Variants in EYS observed in about 807,000 individuals in gnomAD.
EYS encodes the protein protein eyes shut homolog.
In EYS, 250 loss-of-function variants were observed where a neutral mutation model predicts 282.1. The observed-to-expected ratio is 0.89, with a 90% CI of 0.80 to 0.98. The LOEUF (loss-of-function observed/expected upper bound fraction) is 0.98, where lower values mean the gene tolerates loss of function less well. EYS is among the 50% of genes least tolerant of loss of function. The probability of loss-of-function intolerance (pLI) is 0.00; values close to 1 mark genes in which losing one functional copy is unlikely to be tolerated. For missense variants in EYS, 4,016 were observed against 3,709.0 expected, an observed-to-expected ratio of 1.08 and a Z score of -2.15; for synonymous variants, 1,355 against 1,282.9, an observed-to-expected ratio of 1.06 and a Z score of -1.20.
At chr6:64,641,207 G>C (rs1217849676) in intron 22 of EYS, among the ~76,000 whole-genome samples, 1 of 152,158 alleles carries the variant, frequency 6.6e-6, no homozygotes, top group Non-Finnish European at 1.5e-5. Flanking sequence ...GCAAGGAGGA[G>C]CAAGTCCCTT....
At chr6:65,633,692 C>T (rs1766995891) in intron 2 of EYS, among the ~76,000 whole-genome samples, 1 of 152,182 alleles carries the variant, frequency 6.6e-6, no homozygotes, top group Non-Finnish European at 1.5e-5. Context: ...GAAATACCTA[C>T]CCTCAAAGCC....
intron 12 of EYS, among the ~76,000 whole-genome samples, chr6:65,094,314 A>C (rs1774667641): frequency 7.2e-6 from 1 of 138,436 alleles, no homozygotes; most frequent in Non-Finnish European, 1.6e-5. Context: ...GGGATATCTT[A>C]ACGAAAAAAA....
intron 35 of EYS, among the ~76,000 whole-genome samples, chr6:63,924,295 A>T (rs1465933576): frequency 6.6e-6 from 1 of 152,214 alleles, no homozygotes; most frequent in Non-Finnish European, 1.5e-5. Context: ...ACTCAGTTTA[A>T]TACCAGTTTC....
intron 31 of EYS, among the ~76,000 whole-genome samples, chr6:64,217,703 T>C (rs989987245): frequency 9.2e-5 from 14 of 152,146 alleles, no homozygotes; most frequent in African/African-American, 3.4e-4. Context: ...CTGCAAACAA[T>C]GGGTGATAAC....
At chr6:64,390,532 A>T (rs1202441618) in intron 28 of EYS, among the ~76,000 whole-genome samples, 4 of 151,166 alleles carry the variant, frequency 2.6e-5, no homozygotes, top group African/African-American at 9.8e-5. Flanking sequence ...CTCACAGGGC[A>T]GGGTATTCCA....
At chr6:64,372,128 G>GTTTTTTTTTTTTTTTT in intron 29 of EYS, among the ~76,000 whole-genome samples, 1 of 75,966 alleles carries the variant, frequency 1.3e-5, no homozygotes, top group Admixed American at 1.6e-4. Context: ...CTGTATACTT[G>GTTTTTTTTTTTTTTTT]TGTTTTTTTT....
chr6:65,180,049 C>T (rs1002895974), intron 12 of EYS, among the ~76,000 whole-genome samples: 6 of 150,922 alleles, frequency 4.0e-5, no homozygotes, highest in South Asian at 4.2e-4. Flanking sequence ...ATTGATGGGA[C>T]GTATCTCAAA....
At chr6:64,494,978 TTC>T (rs376941078) in intron 26 of EYS, among the ~76,000 whole-genome samples, 70 of 151,874 alleles carry the variant, frequency 4.6e-4, no homozygotes, top group African/African-American at 1.6e-3. Flanking sequence ...CTCTTGATTA[TTC>T]TGTTACTACT....
intron 31 of EYS, among the ~76,000 whole-genome samples, chr6:64,082,889 A>G (rs973796559): frequency 6.6e-6 from 1 of 151,310 alleles, no homozygotes; most frequent in African/African-American, 2.4e-5. Flanking sequence ...ACATTTGGTA[A>G]TAAAAAAAAG....
At chr6:64,045,066 G>A (rs1417204124) in intron 33 of EYS, among the ~76,000 whole-genome samples, 1 of 152,088 alleles carries the variant, frequency 6.6e-6, no homozygotes, top group Admixed American at 6.5e-5. Context: ...CCCTTACTCA[G>A]CCATCTTTCT....
chr6:64,176,266 C>G (rs2150309497), intron 31 of EYS, among the ~76,000 whole-genome samples: 1 of 152,130 alleles, frequency 6.6e-6, no homozygotes, highest in South Asian at 2.1e-4. Context: ...CCCAGCAGGG[C>G]TTAGAGCCAA....
chr6:65,263,157 A>G (rs1374010440), intron 12 of EYS, among the ~76,000 whole-genome samples: 1 of 152,038 alleles, frequency 6.6e-6, no homozygotes, highest in Non-Finnish European at 1.5e-5. Flanking sequence ...CCTGAGGAAC[A>G]TGGCAAAACC....
intron 12 of EYS, among the ~76,000 whole-genome samples, chr6:65,172,908 C>T (rs1765138416): frequency 1.3e-5 from 2 of 150,602 alleles, no homozygotes; most frequent in African/African-American, 4.9e-5. Flanking sequence ...CATGAAGGAA[C>T]CCAGTGTGGT....
Position 63,789,305 on chromosome 6 carries a change from T to G in EYS, c.7412-81A>C, listed in dbSNP as rs1285569192. 3.0e-6 allele frequency: 4 copies of G among 1,342,316 alleles called. No homozygotes were observed. The African/African-American group carries it at 5.8e-5, about 20-fold the overall frequency. The allele number at this position is 1,342,316 out of a possible 1,614,324, so 83.2% of individuals were successfully genotyped here. A position where few individuals can be genotyped will look rare whatever the true frequency, so the allele number is the denominator to read the frequency against. ...TCAGCTTTATTTTACTGACTGGTTC[T>G]GAATTACAGATCAGTATGGTAAGTT... On this transcript the variant is annotated intron_variant, in intron 37 of 42. Transcript: ENST00000503581.
chr6:65,700,193 G>C (rs2812777), intron 1 of EYS, among the ~76,000 whole-genome samples: 120,916 of 149,626 alleles, frequency 0.81, 48,981 homozygotes, highest in East Asian at 0.86. Context: ...ATCACATTTT[G>C]ACTTTTGGAG....
chr6:64,114,175 T>C (rs1773301292), intron 31 of EYS, among the ~76,000 whole-genome samples: 7 of 152,194 alleles, frequency 4.6e-5, no homozygotes, highest in Admixed American at 4.6e-4. Flanking sequence ...AAAACATTGA[T>C]ATATAAGGTG....
intron 8 of EYS, among the ~76,000 whole-genome samples, chr6:65,382,248 C>T (rs1163839442): frequency 3.9e-5 from 4 of 103,184 alleles, no homozygotes; most frequent in Admixed American, 2.2e-4. Context: ...ATTTTATTCT[C>T]AAGAAGTTTT....
chr6:65,482,393 G>C (rs1016781551), intron 5 of EYS, among the ~76,000 whole-genome samples: 8 of 152,148 alleles, frequency 5.3e-5, no homozygotes, highest in African/African-American at 1.9e-4. Context: ...ATGAGAGCAA[G>C]GACTAGTTCA....
At chr6:65,382,443 A>C (rs563969391) in intron 8 of EYS, among the ~76,000 whole-genome samples, 6 of 125,088 alleles carry the variant, frequency 4.8e-5, no homozygotes, top group Non-Finnish European at 8.6e-5. Context: ...TCTATCTTTG[A>C]AGTCTCCTTT....
Sources: gnomAD v4.1 joint callset for allele counts (sites outside exome capture counted in the v4.1 genomes callset) on GRCh38, gnomAD v4.1.1 for gene constraint, MANE v1.5 for transcripts, NCBI Gene and HGNC (gene_info 2026-07-23, HGNC 2026-07-21) for gene names.